The following CD163 variants were observed in gnomAD, a reference collection of about 807,000 sequenced individuals.
CD163 encodes CD163 molecule, also known as scavenger receptor cysteine-rich type 1 protein M130.
In CD163, 64 loss-of-function variants were observed where a neutral mutation model predicts 129.2. The observed-to-expected ratio is 0.50, with a 90% CI of 0.41 to 0.61. CD163 has a LOEUF of 0.61. Ranked by LOEUF, CD163 falls within the 20% of genes least tolerant of loss-of-function variation. The pLI is 0.00. For synonymous variants in CD163, 446 were observed against 478.5 expected (o/e 0.93, Z 0.89); for missense variants, 1,061 against 1,377.9 (o/e 0.77, Z 3.64).
At chr12:7,493,549 A>G (rs777012228) in intron 6 of CD163, among the ~76,000 whole-genome samples, 6 of 152,214 alleles carry the variant, frequency 3.9e-5, no homozygotes, top group Non-Finnish European at 8.8e-5. Context: ...TTCAGTCACT[A>G]TTATTTGTTT....
chr12:7,502,375 C>T, intron 2 of CD163, 103 bp downstream of exon 2: 1 of 772,306 alleles, frequency 1.3e-6, no homozygotes, highest in Non-Finnish European at 2.4e-6. Context: ...GAGCATGTCA[C>T]CTAGTTTTTA....
chr12:7,476,226 G>C (rs1949085282), intron 16 of CD163, among the ~76,000 whole-genome samples: 3 of 152,012 alleles, frequency 2.0e-5, no homozygotes, highest in Non-Finnish European at 4.4e-5. Context: ...TTACAGAATT[G>C]GAAAAATCTA....
In CD163 at chr12:7,502,557, T is replaced by G. The variant is rs1464976706; in HGVS notation, c.54A>C (p.Arg18Ser). The change falls in exon 2 of 17, where the codon AGA (arginine) becomes AGC (serine). Residue 18 changes from arginine (R) to serine (S), a missense_variant. Coordinates refer to ENST00000432237, the MANE Select transcript of CD163 (RefSeq NM_203416.4). ...AGGGACTCAAGTTGACAAAATGTCTTCTGAAGTCTGTGAAAAAGAAAAGAG... is the reference window on the plus strand; with the variant it reads ...AGGGACTCAAGTTGACAAAATGTCTGCTGAAGTCTGTGAAAAAGAAAAGAG... ...LLEDSGSADFRRHFVNLSPFT... is the reference protein window; with the variant it reads ...LLEDSGSADFSRHFVNLSPFT... 6 of 1,551,272 alleles carry G rather than the reference T, an allele frequency of 3.9e-6. No individual in the cohort carries two copies. Among genetic ancestry groups the G allele is most frequent in the Admixed American group, 1.8e-5 (1 of 55,970 alleles).
At chr12:7,491,725 A>T (rs1451403604) in intron 6 of CD163, among the ~76,000 whole-genome samples, 2 of 152,152 alleles carry the variant, frequency 1.3e-5, no homozygotes, top group Non-Finnish European at 2.9e-5. Context: ...GAAGAAGTAT[A>T]GATCATCATA....
chr12:7,500,469 GATCCCAGGA>G (rs1239048572), intron 3 of CD163, among the ~76,000 whole-genome samples: 1 of 141,476 alleles, frequency 7.1e-6, no homozygotes, highest in Non-Finnish European at 1.6e-5. Flanking sequence ...AAGAAATGGG[GATCCCAGGA>G]ATCTGAGTTG....
rs1182653900 is a variant in CD163 at position 7,501,440 on chromosome 12, C to T, written c.156G>A (p.Arg52=). Residue 52 remains arginine, a synonymous_variant, in exon 3 of 17, where the codon AGG becomes AGA. Coordinates refer to ENST00000432237, the MANE Select transcript of CD163 (RefSeq NM_203416.4). ...TACACTTGTTTTCACCATCCACTAG[C>T]CTCAGCTCCTTGTCTGTTCCTCCTG... ...SSLGGTDKEL[R]LVDGENKCSG... 1 of 1,613,850 alleles carries T rather than the reference C, an allele frequency of 6.2e-7. No homozygotes were observed. Among genetic ancestry groups the T allele is most frequent in the East Asian group, 2.2e-5 (1 of 44,882 alleles).
At chr12:7,500,418 T>TCC (rs749168341) in intron 3 of CD163, among the ~76,000 whole-genome samples, 4 of 9,992 alleles carry the variant, frequency 4.0e-4, no homozygotes, top group Admixed American at 4.3e-3. Context: ...CGACAATTCG[T>TCC]CCCAAAAAAA....
At chr12:7,498,415 A>G (rs893281623) in intron 4 of CD163, among the ~76,000 whole-genome samples, 1 of 152,180 alleles carries the variant, frequency 6.6e-6, no homozygotes, top group Non-Finnish European at 1.5e-5. Context: ...ATTTTTAACA[A>G]GTGATTCGAT....
chr12:7,484,126 C>T (rs770490737), intron 11 of CD163, among the ~76,000 whole-genome samples: 2 of 151,784 alleles, frequency 1.3e-5, no homozygotes, highest in South Asian at 2.1e-4. Context: ...CGTGAGCCAC[C>T]GTGCCTGGCC....
intron 6 of CD163, among the ~76,000 whole-genome samples, chr12:7,488,311 C>T (rs1949284628): frequency 6.6e-6 from 1 of 152,120 alleles, no homozygotes; most frequent in Admixed American, 6.5e-5. Context: ...TGGGACTTCA[C>T]CTTGTGCAGC....
In CD163 at chr12:7,499,207, C is replaced by T; in HGVS notation, c.458-19G>A. On this transcript the variant is annotated intron_variant, in intron 3 of 16. Transcript: ENST00000432237. ...GATCCATCTGGAGCAGAGAAAAGAC[C>T]AGAGTTCAGAAGTTACATTCATTTA... is the stretch of plus-strand genomic sequence containing the variant. The T allele has an allele frequency of 6.3e-7, 1 of 1,585,572 alleles. No individual in the cohort carries two copies. Among genetic ancestry groups the T allele is most frequent in the Non-Finnish European group, 8.6e-7 (1 of 1,165,600 alleles).
rs1375084758 is a variant in CD163, at chr12:7,485,019, A to T, written c.2779+77T>A. ...TAAGCCAGTGTGAGAATAGGAAAATAAAATCCAGTGTCCATTATCAGAAGA... is the reference window on the plus strand; with the variant it reads ...TAAGCCAGTGTGAGAATAGGAAAATTAAATCCAGTGTCCATTATCAGAAGA... On this transcript the variant is annotated intron_variant, in intron 11 of 16. Coordinates refer to ENST00000432237, the MANE Select transcript of CD163 (RefSeq NM_203416.4). This position sits in a 1 kb window ranked among gnomAD's most constrained non-coding sequence, Gnocchi z 4.5. The T allele has an allele frequency of 1.3e-5, 17 of 1,295,186 alleles. No individual in the cohort carries two copies. Among genetic ancestry groups the T allele is most frequent in the Non-Finnish European group, 1.8e-5 (17 of 941,680 alleles). The allele number at this position is 1,295,186 out of a possible 1,614,324, so 80.2% of individuals were successfully genotyped here.
In CD163 at chr12:7,501,454, C is replaced by G; in HGVS notation, c.142G>C (p.Asp48His). The G allele has an allele frequency of 6.2e-7, 1 of 1,613,176 alleles. No homozygotes were observed. The highest frequency in any genetic ancestry group is 8.5e-7 in the Non-Finnish European group (1 of 1,179,322). The change falls in exon 3 of 17, where the codon GAC becomes CAC. Residue 48 changes from aspartate to histidine, a missense_variant. Coordinates refer to ENST00000432237, the MANE Select transcript of CD163 (RefSeq NM_203416.4). ...CFVTSSLGGTDKELRLVDGEN... is the reference protein window; with the variant it reads ...CFVTSSLGGTHKELRLVDGEN... ...CCATCCACTAGCCTCAGCTCCTTGT[C>G]TGTTCCTCCTGCAACAATGGATTAA... is the stretch of plus-strand genomic sequence containing the variant.
In CD163 at chr12:7,483,412, G is replaced by A. The variant is rs1335892886; in HGVS notation, c.3043C>T (p.His1015Tyr). The A allele has an allele frequency of 1.9e-6, 3 of 1,613,880 alleles. No individual in the cohort carries two copies. The highest frequency in any genetic ancestry group is 2.5e-6 in the Non-Finnish European group (3 of 1,180,004). Residue 1015 changes from histidine to tyrosine, a missense_variant, in exon 12 of 17, where the codon CAT (histidine) becomes TAT (tyrosine). Transcript: ENST00000432237. Reference sequence around the variant, plus strand: ...TCTTCCTTGTGCCCACACTCACTATGGCCCCAGCGTCTGGCAGGACAATCC... The same window carrying A: ...TCTTCCTTGTGCCCACACTCACTATAGCCCCAGCGTCTGGCAGGACAATCC... The part of the protein sequence containing the change: ...LWDCPARRWG[H>Y]SECGHKEDAA...
At chr12:7,502,623 A>G (rs1302607031) in intron 1 of CD163, 59 bp from the exon 2 acceptor site, 1 of 882,418 alleles carries the variant, frequency 1.1e-6, no homozygotes, top group Non-Finnish European at 1.9e-6. Context: ...TTTGGAGAAG[A>G]TAGATGGTTT....
At chr12:7,499,263 G>A in intron 3 of CD163, 75 bp from the exon 4 acceptor site, 1 of 1,298,168 alleles carries the variant, frequency 7.7e-7, no homozygotes, top group South Asian at 1.4e-5. Context: ...GTTTCCTCTG[G>A]ACACTTGGGA....
At chr12:7,502,054 C>T (rs1949498179) in intron 2 of CD163, among the ~76,000 whole-genome samples, 1 of 152,152 alleles carries the variant, frequency 6.6e-6, no homozygotes, top group Non-Finnish European at 1.5e-5. Context: ...ATCTCAGTTG[C>T]CTCCTTGGCA....
chr12:7,482,558 C>G, intron 14 of CD163, 85 bp downstream of exon 14: 1 of 1,417,348 alleles, frequency 7.1e-7, no homozygotes, highest in Non-Finnish European at 9.7e-7. Flanking sequence ...ATCTTTCTGG[C>G]CATTAGACTT....
chr12:7,487,900 T>G lies in CD163; in HGVS notation c.1608A>C (p.Gly536=), dbSNP rs758766781. 12 of 1,614,036 alleles carry G rather than the reference T, an allele frequency of 7.4e-6. No individual in the cohort carries two copies. The highest frequency in any genetic ancestry group is 1.0e-5 in the Non-Finnish European group (12 of 1,179,986). The change falls in exon 7 of 17, where the codon GGA becomes GGC. Residue 536 remains glycine, a synonymous_variant. Transcript: ENST00000432237. This position sits in a 1 kb window ranked among gnomAD's most constrained non-coding sequence, Gnocchi z 5.1. The part of the protein sequence containing the change: ...SILGGAHFGE[G]NGQIWAEEFQ... ...ATTCTTCAGCCCAGATCTGTCCATT[T>G]CCCTCTCCAAAGTGAGCTCCCCCCA...
Sources: allele counts gnomAD v4.1 joint callset (sites outside exome capture counted in the v4.1 genomes callset), GRCh38; gene constraint gnomAD v4.1.1; non-coding constraint Gnocchi (gnomAD v3.1); transcripts MANE v1.5; gene names NCBI Gene and HGNC (gene_info 2026-07-23, HGNC 2026-07-21).